Variants in TRIM9 observed in about 807,000 individuals in gnomAD.
TRIM9 encodes the protein E3 ubiquitin-protein ligase TRIM9.
Under a neutral mutation model 78.3 loss-of-function variants are expected in TRIM9, and 26 were observed. The ratio of observed to expected loss-of-function variants is 0.33; its 90% confidence interval spans 0.24 to 0.46. The LOEUF is 0.46. Among genes scored for constraint, TRIM9 ranks in the 20% least tolerant of loss-of-function variants. The probability of loss-of-function intolerance (pLI) is 1.00; values close to 1 mark genes in which losing one functional copy is unlikely to be tolerated. For synonymous variants in TRIM9, 398 were observed against 416.5 expected, an observed-to-expected ratio of 0.96 and a Z score of 0.54; for missense variants, 787 against 1,036.4, an observed-to-expected ratio of 0.76 and a Z score of 3.30.
At chr14:50,998,324 GC>G in intron 6 of TRIM9, 136 bp from the exon 7 acceptor site, 1 of 804,906 alleles carries the variant, frequency 1.2e-6, no homozygotes, top group Non-Finnish European at 2.0e-6. Flanking sequence ...GAGATATTGG[GC>G]CATTTAATTT....
chr14:51,050,991 A>T (rs541399173), intron 1 of TRIM9, among the ~76,000 whole-genome samples: 1 of 152,344 alleles, frequency 6.6e-6, no homozygotes, highest in South Asian at 2.1e-4. Flanking sequence ...GATGCTGCTG[A>T]TTCCTAAGCA....
chr14:50,996,866 C>T (rs901904174), intron 7 of TRIM9: 1 of 985,312 alleles, frequency 1.0e-6, no homozygotes, highest in African/African-American at 1.7e-5. Flanking sequence ...CTTAGACTGA[C>T]AACTGCTCCC....
At chr14:51,032,062 C>T (rs1181983216) in intron 1 of TRIM9, among the ~76,000 whole-genome samples, 1 of 152,168 alleles carries the variant, frequency 6.6e-6, no homozygotes, top group Non-Finnish European at 1.5e-5. Flanking sequence ...AATATTCACA[C>T]CAAAAGCTAA....
chr14:51,033,296 T>C (rs559295805), intron 1 of TRIM9, among the ~76,000 whole-genome samples: 76 of 152,320 alleles, frequency 5.0e-4, no homozygotes, highest in African/African-American at 1.5e-3. Context: ...TTTCACCATA[T>C]TGGTCAGGCT....
chr14:50,978,293 C>G (rs1221211710), intron 12 of TRIM9, among the ~76,000 whole-genome samples: 1 of 152,182 alleles, frequency 6.6e-6, no homozygotes, highest in Admixed American at 6.5e-5. Flanking sequence ...TCAAGACAAC[C>G]ATTTGTGGAA....
intron 1 of TRIM9, among the ~76,000 whole-genome samples, chr14:51,067,561 T>A (rs2061854957): frequency 6.6e-6 from 1 of 152,214 alleles, no homozygotes; most frequent in Non-Finnish European, 1.5e-5. Flanking sequence ...TCTCTTACCA[T>A]GTCTCCTACC....
Position 51,000,752 on chromosome 14 carries a change from T to C in TRIM9, c.1395A>G (p.Pro465=). The C allele has an allele frequency of 6.2e-7, 1 of 1,613,078 alleles. No homozygotes were observed. Residue 465 remains proline (P), a synonymous_variant, in exon 6 of 13, where the codon CCA becomes CCG. Transcript: ENST00000684578. ...NNSATLSWKQ[P]PLSTVPADGY... is the part of the protein sequence containing the mutation. ...CATCGGCGGGCACCGTGGACAGAGGTGGCTGTTTCCAGGACAACGTAGCGC... is the reference window on the plus strand; with the variant it reads ...CATCGGCGGGCACCGTGGACAGAGGCGGCTGTTTCCAGGACAACGTAGCGC...
chr14:51,071,055 G>C (rs1480385438), intron 1 of TRIM9, among the ~76,000 whole-genome samples: 1 of 151,994 alleles, frequency 6.6e-6, no homozygotes, highest in Non-Finnish European at 1.5e-5. Flanking sequence ...TGGACTGATG[G>C]GGACGACAAA....
At chr14:50,982,823 A>C (rs1046597094) in intron 10 of TRIM9, 119 bp downstream of exon 10, 101 of 976,148 alleles carry the variant, frequency 1.0e-4, no homozygotes, top group Non-Finnish European at 1.4e-4. Context: ...CCCAAGTTCT[A>C]AATGCCACCT....
chr14:51,057,221 G>A (rs925991997), intron 1 of TRIM9, among the ~76,000 whole-genome samples: 3 of 152,314 alleles, frequency 2.0e-5, no homozygotes, highest in African/African-American at 7.2e-5. Context: ...TTATCTGAGT[G>A]GCTATTGAAG....
chr14:51,036,764 C>T (rs1286101759), intron 1 of TRIM9, among the ~76,000 whole-genome samples: 1 of 152,190 alleles, frequency 6.6e-6, no homozygotes, highest in Non-Finnish European at 1.5e-5. Flanking sequence ...TCCTCTCTCT[C>T]ACTCTCTGGT....
intron 7 of TRIM9, 29 bp from the exon 8 acceptor site, chr14:50,986,173 A>G: frequency 6.9e-7 from 1 of 1,453,072 alleles, no homozygotes; most frequent in Non-Finnish European, 9.1e-7. Context: ...CAAACTAGAG[A>G]TCAGAAGTCT....
rs375570930 is a variant in TRIM9, at chr14:50,997,825, G to T, written c.1603+225C>A. ...TAGATTGTTATCAAAGGAAGCCGCC[G>T]GCCCAAGCCATTGGAACTGCCGATG... On this transcript the variant is annotated intron_variant, in intron 7 of 12. Transcript: ENST00000684578. 3.6e-6 allele frequency: 5 copies of T among 1,381,728 alleles called. No individual in the cohort carries two copies. The African/African-American group carries it at 7.2e-5, about 20-fold the overall frequency. 85.6% of individuals were successfully genotyped at this position (1,381,728 alleles called of 1,614,324 possible).
intron 3 of TRIM9, among the ~76,000 whole-genome samples, chr14:51,013,637 T>G (rs375931729): frequency 5.8e-4 from 88 of 152,320 alleles, no homozygotes; most frequent in Middle Eastern, 6.8e-3. Flanking sequence ...GATGGAAAGA[T>G]TATTTTTGTG....
intron 1 of TRIM9, among the ~76,000 whole-genome samples, chr14:51,058,361 C>T (rs1416193748): frequency 6.6e-6 from 1 of 152,216 alleles, no homozygotes; most frequent in East Asian, 1.9e-4. Flanking sequence ...ACTCTAACGA[C>T]ATTCTTGGTT....
At chr14:51,011,290 C>A (rs10137411) in intron 3 of TRIM9, among the ~76,000 whole-genome samples, 129,267 of 152,176 alleles carry the variant, frequency 0.85, 55,155 homozygotes, top group African/African-American at 0.89. Flanking sequence ...ATTCCTTGAA[C>A]AGTTTTTTTC....
At chr14:51,059,079 C>T (rs2061126258) in intron 1 of TRIM9, among the ~76,000 whole-genome samples, 1 of 152,166 alleles carries the variant, frequency 6.6e-6, no homozygotes, top group South Asian at 2.1e-4. Flanking sequence ...AGGCCTATGA[C>T]CAACCCCAAT....
chr14:51,085,408 G>A (rs4901076), intron 1 of TRIM9, among the ~76,000 whole-genome samples: 53,626 of 151,348 alleles, frequency 0.35, 9,803 homozygotes, highest in Admixed American at 0.42. Context: ...TATAAAACAC[G>A]CAGTTCTGCT....
In TRIM9 at chr14:51,009,122, G is replaced by C; in HGVS notation, c.1264C>G (p.Leu422Val). The C allele has an allele frequency of 6.2e-7, 1 of 1,614,070 alleles. No homozygotes were observed. The highest frequency in any genetic ancestry group is 8.5e-7 in the Non-Finnish European group (1 of 1,179,946). Reference sequence around the variant, plus strand: ...TCCAGCTGGTGGATGGATTGCAGCAGAGGGCTGTTGTCCAGACTCAAGTCA... The same window carrying C: ...TCCAGCTGGTGGATGGATTGCAGCACAGGGCTGTTGTCCAGACTCAAGTCA... Reference protein sequence around the residue: ...DFDLSLDNSPLLQSIHQLDFV... With the variant: ...DFDLSLDNSPVLQSIHQLDFV... Residue 422 changes from leucine (L) to valine (V), a missense_variant, in exon 5 of 13, where the codon CTG (leucine) becomes GTG (valine). Physicochemically the swap from Leu to Val is conservative, Grantham distance 32. Coordinates refer to ENST00000684578, the MANE Select transcript of TRIM9 (RefSeq NM_001387360.1).
Sources: gnomAD v4.1 joint callset for allele counts (sites outside exome capture counted in the v4.1 genomes callset) on GRCh38, gnomAD v4.1.1 for gene constraint, MANE v1.5 for transcripts, NCBI Gene and HGNC (gene_info 2026-07-23, HGNC 2026-07-21) for gene names.